The following POLR1A variants were observed in gnomAD, a reference collection of about 807,000 sequenced individuals.
The protein encoded by POLR1A is RNA polymerase I subunit A, also known as DNA-directed RNA polymerase I subunit RPA1.
In POLR1A, 84 loss-of-function variants were observed where a neutral mutation model predicts 205.3. The observed-to-expected ratio is 0.41, with a 90% CI of 0.34 to 0.49. POLR1A has a LOEUF of 0.49. POLR1A is among the 20% of genes least tolerant of loss of function. POLR1A has a pLI of 0.22. For synonymous variants in POLR1A, 799 were observed against 863.7 expected, an observed-to-expected ratio of 0.93 and a Z score of 1.31; for missense variants, 1,645 against 2,204.5, an observed-to-expected ratio of 0.75 and a Z score of 5.08.
chr2:86,031,455 T>G lies in POLR1A; in HGVS notation c.4453A>C (p.Lys1485Gln), dbSNP rs886615324. The G allele has an allele frequency of 6.2e-7, 1 of 1,614,158 alleles. No homozygotes were observed. Among genetic ancestry groups the G allele is most frequent in the Non-Finnish European group, 8.5e-7 (1 of 1,180,004 alleles). The change falls in exon 30 of 34, where the codon AAA (lysine) becomes CAA (glutamine). Residue 1485 changes from lysine to glutamine, a missense_variant. Lys to Gln is a moderately conservative substitution (Grantham distance 53, BLOSUM62 1). Coordinates refer to ENST00000263857, the MANE Select transcript of POLR1A (RefSeq NM_015425.6). ...TGGGGCTCCTGGCTGTGGGTGGGTT[T>G]CCGGGGCTGCGTCAGGAGGGCGGGA... ...SLPALLTQPR[K>Q]PTHSQEPQGP... is the part of the protein sequence containing the mutation.
rs367627166 is a variant in POLR1A at position 86,083,211 on chromosome 2, A to G, written c.731-43T>C. On this transcript the variant is annotated intron_variant, in intron 6 of 33. Transcript: ENST00000263857. ...AATCAAAGTGCAATAAATCAGAAAC[A>G]GGTACTCTTTCTGCAATGGGATTTA... 5.7e-5 allele frequency: 77 copies of G among 1,347,670 alleles called. 1 individual carries two copies. The African/African-American group carries it at 9.7e-4, about 17-fold the overall frequency. The allele number at this position is 1,347,670 out of a possible 1,614,324, so 83.5% of individuals were successfully genotyped here.
chr2:86,084,937 G>A (rs2104425175), intron 6 of POLR1A, among the ~76,000 whole-genome samples: 1 of 151,830 alleles, frequency 6.6e-6, no homozygotes, highest in Middle Eastern at 3.4e-3. Flanking sequence ...AGTAGTCTCT[G>A]TTAATAGGTA....
intron 4 of POLR1A, 85 bp from the exon 5 acceptor site, chr2:86,088,955 AT>A: frequency 2.0e-6 from 2 of 1,004,594 alleles, no homozygotes; most frequent in Non-Finnish European, 1.5e-6. Flanking sequence ...TTCACCTTTT[AT>A]TTTTAACCAG....
chr2:86,048,769 T>A (rs1672749712), intron 18 of POLR1A, 115 bp downstream of exon 18: 1 of 895,330 alleles, frequency 1.1e-6, no homozygotes, highest in East Asian at 2.5e-5. Context: ...TCTCACCTAG[T>A]CAGCTGTTCA....
intron 14 of POLR1A, among the ~76,000 whole-genome samples, chr2:86,056,232 A>T (rs1672894099): frequency 6.6e-6 from 1 of 152,058 alleles, no homozygotes; most frequent in African/African-American, 2.4e-5. Context: ...CAGGCGGATC[A>T]CTTAAGGTCG....
intron 11 of POLR1A, among the ~76,000 whole-genome samples, chr2:86,077,037 CAA>C (rs1023479996): frequency 1.3e-5 from 2 of 152,166 alleles, no homozygotes; most frequent in Admixed American, 1.3e-4. Context: ...AAGTGTGCCA[CAA>C]AGAGATGAGG....
chr2:86,063,164 C>T (rs1673025950), intron 14 of POLR1A, among the ~76,000 whole-genome samples: 1 of 151,702 alleles, frequency 6.6e-6, no homozygotes, highest in Admixed American at 6.6e-5. Context: ...GGAGAAACCC[C>T]ATCTCTACTA....
chr2:86,084,246 A>G (rs980685718), intron 6 of POLR1A, among the ~76,000 whole-genome samples: 3 of 152,130 alleles, frequency 2.0e-5, no homozygotes, highest in Non-Finnish European at 4.4e-5. Context: ...AGCCTGGGCA[A>G]CAGAGCGAGA....
In POLR1A at chr2:86,043,005, T is replaced by G; in HGVS notation, c.3326A>C (p.Asn1109Thr). 6.2e-7 allele frequency: 1 copy of G among 1,614,062 alleles called. No individual in the cohort carries two copies. Residue 1109 changes from asparagine (N) to threonine (T), a missense_variant, in exon 23 of 34, where the codon AAC becomes ACC. Around this residue, in one of 16 missense-constraint regions of POLR1A, gnomAD observed 201 missense variants for 222.3 expected, o/e 0.90. Coordinates refer to ENST00000263857, the MANE Select transcript of POLR1A (RefSeq NM_015425.6). ...AVKALKLESE[N>T]RNGRSPGTQE... ...AGTCCCAGGGCTGCGGCCATTGCGG[T>G]TTTCACTCTCAAGTTTCAGGGCTTT...
chr2:86,064,392 C>T (rs1015528464), intron 14 of POLR1A, among the ~76,000 whole-genome samples: 4 of 152,166 alleles, frequency 2.6e-5, no homozygotes, highest in African/African-American at 9.7e-5. Context: ...ACTCAGGCAA[C>T]AGCAGAAGAA....
At position 86,065,331 on chromosome 2, in the gene POLR1A, G is replaced by A. The variant is rs376203349; in HGVS notation, c.2001C>T (p.Arg667=). The A allele has an allele frequency of 3.0e-4, 480 of 1,613,938 alleles. 1 individual carries two copies. The highest frequency in any genetic ancestry group is 3.9e-4 in the Non-Finnish European group (459 of 1,180,000). ...VYRGLTDKVG[R]VKLLSPSILK... is the part of the protein sequence containing the mutation. ...GGATGGAAGGAGAAAGGAGCTTCACGCGCCCCACTTTGTCCGTGAGTCCTC... is the reference window on the plus strand; with the variant it reads ...GGATGGAAGGAGAAAGGAGCTTCACACGCCCCACTTTGTCCGTGAGTCCTC... The change falls in exon 14 of 34, where the codon CGC becomes CGT. Residue 667 remains arginine (R), a synonymous_variant. Transcript: ENST00000263857.
intron 27 of POLR1A, among the ~76,000 whole-genome samples, chr2:86,034,812 T>C (rs1413390225): frequency 6.6e-6 from 1 of 152,172 alleles, no homozygotes; most frequent in Non-Finnish European, 1.5e-5. Flanking sequence ...GTCAAATGTA[T>C]ACTATTTTGC....
At chr2:86,081,796 A>G (rs975508596) in intron 7 of POLR1A, 90 bp from the exon 8 acceptor site, 3 of 741,182 alleles carry the variant, frequency 4.0e-6, no homozygotes, top group Non-Finnish European at 6.9e-6. Context: ...CTGAGTGAGG[A>G]AAAAACAGAA....
chr2:86,041,210 C>G (rs1369877316), intron 24 of POLR1A, among the ~76,000 whole-genome samples: 24 of 114,516 alleles, frequency 2.1e-4, no homozygotes, highest in African/African-American at 4.4e-4. Context: ...GCTACAGTGT[C>G]TGTGTGTGTG....
rs1421270036 is a variant in POLR1A at position 86,073,217 on chromosome 2, A to T, written c.1611+1813T>A. ...TTGTCTCAAAAAAAAATAAAATAAAAAAAAAAAAAATGACAGGTTTTGGTG... is the reference window on the plus strand; with the variant it reads ...TTGTCTCAAAAAAAAATAAAATAAATAAAAAAAAAATGACAGGTTTTGGTG... On this transcript the variant is annotated intron_variant, in intron 12 of 33. Coordinates refer to ENST00000263857, the MANE Select transcript of POLR1A (RefSeq NM_015425.6). Among the ~76,000 whole-genome samples, 347 of 152,004 alleles carry T rather than the reference A, an allele frequency of 2.3e-3. 5 individuals carry two copies. The highest frequency in any genetic ancestry group is 0.022 in the South Asian group (108 of 4,812).
intron 14 of POLR1A, among the ~76,000 whole-genome samples, chr2:86,060,731 T>C (rs531022434): frequency 2.6e-5 from 4 of 152,172 alleles, no homozygotes; most frequent in South Asian, 2.1e-4. Context: ...TAAAACAATA[T>C]AGCTACTAGA....
intron 11 of POLR1A, among the ~76,000 whole-genome samples, chr2:86,076,353 G>T (rs780335449): frequency 9.9e-5 from 15 of 152,210 alleles, no homozygotes; most frequent in Non-Finnish European, 2.1e-4. Flanking sequence ...TGTTGCTGAT[G>T]CACTTACCAC....
chr2:86,088,737 G>A, intron 5 of POLR1A, 48 bp downstream of exon 5: 2 of 1,593,410 alleles, frequency 1.3e-6, no homozygotes, highest in South Asian at 1.1e-5. Context: ...ATAGCAATGA[G>A]TGACTGCCCA....
chr2:86,058,088 T>TCTA (rs1672929141), intron 14 of POLR1A, among the ~76,000 whole-genome samples: 1 of 152,002 alleles, frequency 6.6e-6, no homozygotes, highest in East Asian at 1.9e-4. Flanking sequence ...TACTCTACTC[T>TCTA]CTCTACTCTA....
Sources: gnomAD v4.1 joint callset for allele counts (sites outside exome capture counted in the v4.1 genomes callset) on GRCh38, gnomAD v4.1.1 for gene constraint, gnomAD v4.1.1 regional missense constraint, MANE v1.5 for transcripts, NCBI Gene and HGNC (gene_info 2026-07-23, HGNC 2026-07-21) for gene names.